Variants in OTOGL observed in about 807,000 individuals in gnomAD.
OTOGL encodes the protein otogelin like, also known as otogelin-like protein.
In OTOGL, 285 loss-of-function variants were observed where a neutral mutation model predicts 318.5. That is an observed-to-expected ratio of 0.89 (90% CI 0.81 to 0.99). OTOGL has a LOEUF of 0.99. Among genes scored for constraint, OTOGL ranks in the 50% least tolerant of loss-of-function variants. OTOGL has a pLI of 0.00. For synonymous variants in OTOGL, 987 were observed against 936.5 expected, an observed-to-expected ratio of 1.05 and a Z score of -0.99; for missense variants, 2,899 against 2,845.6, an observed-to-expected ratio of 1.02 and a Z score of -0.43.
chr12:80,234,792 T>C (rs1379664842), intron 9 of OTOGL, among the ~76,000 whole-genome samples: 1 of 152,202 alleles, frequency 6.6e-6, no homozygotes, highest in Non-Finnish European at 1.5e-5. Flanking sequence ...ATTAGTTTAC[T>C]AGTAGCTAGA....
Position 80,345,236 on chromosome 12 carries a change from TA to T in OTOGL, c.5265+3075del, listed in dbSNP as rs1369033522. ...ATAAAATATATATATATTATATATA[TA>T]TATTTTTTTGAAGAGTCTTGCTCTG... On this transcript the variant is annotated intron_variant, in intron 44 of 58. Transcript: ENST00000547103. Among the ~76,000 whole-genome samples the T allele has an allele frequency of 2.0e-4, 28 of 139,046 alleles. No individual in the cohort carries two copies. The East Asian group carries it at 5.2e-3, about 26-fold the overall frequency. 91.2% of individuals were successfully genotyped at this position (139,046 alleles called of 152,430 possible).
chr12:80,230,537 C>T (rs1879269805), intron 8 of OTOGL, among the ~76,000 whole-genome samples: 1 of 152,090 alleles, frequency 6.6e-6, no homozygotes, highest in South Asian at 2.1e-4. Context: ...ACTTGCCATT[C>T]AGATTGATTT....
chr12:80,100,373 T>A (rs1298501624), intron 1 of OTOGL, among the ~76,000 whole-genome samples: 1 of 152,216 alleles, frequency 6.6e-6, no homozygotes. Flanking sequence ...AAGTGATGGA[T>A]ACCCCAACTA....
chr12:80,326,076 G>A (rs1887661148), intron 35 of OTOGL, among the ~76,000 whole-genome samples: 1 of 152,034 alleles, frequency 6.6e-6, no homozygotes, highest in African/African-American at 2.4e-5. Context: ...CTTTCGTTGT[G>A]CCAAAGTGGC....
intron 32 of OTOGL, among the ~76,000 whole-genome samples, chr12:80,317,363 C>A (rs1887036310): frequency 6.6e-6 from 1 of 152,050 alleles, no homozygotes; most frequent in South Asian, 2.1e-4. Context: ...ATCAAGCTAC[C>A]AATTAACTGA....
intron 1 of OTOGL, among the ~76,000 whole-genome samples, chr12:80,150,464 G>A (rs2137167674): frequency 6.6e-6 from 1 of 152,330 alleles, no homozygotes; most frequent in South Asian, 2.1e-4. Flanking sequence ...GGAATGTTAA[G>A]GACTCATCCA....
At chr12:80,136,016 T>C (rs1402842686) in intron 1 of OTOGL, among the ~76,000 whole-genome samples, 1 of 152,248 alleles carries the variant, frequency 6.6e-6, no homozygotes, top group African/African-American at 2.4e-5. Flanking sequence ...CATAATCATG[T>C]GAACCGATTC....
chr12:80,112,068 G>A (rs1869874674), intron 1 of OTOGL, among the ~76,000 whole-genome samples: 1 of 152,148 alleles, frequency 6.6e-6, no homozygotes, highest in Non-Finnish European at 1.5e-5. Flanking sequence ...TGGTGTATAG[G>A]AATGCTTGTG....
chr12:80,371,919 T>G, intron 56 of OTOGL, 100 bp from the exon 57 acceptor site: 1 of 646,990 alleles, frequency 1.5e-6, no homozygotes, highest in Non-Finnish European at 2.4e-6. Context: ...CTTTGTGGTA[T>G]TTGATAAAAG....
intron 7 of OTOGL, among the ~76,000 whole-genome samples, chr12:80,227,958 T>G (rs1879020887): frequency 6.6e-6 from 1 of 152,092 alleles, no homozygotes; most frequent in Non-Finnish European, 1.5e-5. Context: ...TAGCTTCACA[T>G]AGCTATATTT....
Position 80,279,167 on chromosome 12 carries a change from G to A in OTOGL, c.2928+1G>A. ...TGATTGCCAGGTGTTTTTGATAAAG[G>A]TAGGTCACAGTTACACATTTTTATT... On this transcript the variant is annotated splice_donor_variant, in intron 26 of 58. Transcript: ENST00000547103. LOFTEE classifies it high-confidence loss of function. The A allele has an allele frequency of 6.3e-7, 1 of 1,585,266 alleles. No individual in the cohort carries two copies.
At chr12:80,345,300 A>G (rs1889125281) in intron 44 of OTOGL, among the ~76,000 whole-genome samples, 1 of 149,616 alleles carries the variant, frequency 6.7e-6, no homozygotes, top group African/African-American at 2.5e-5. Flanking sequence ...CAGTGGCATG[A>G]TCTCGGCTCA....
chr12:80,176,576 C>G (rs1179904150), intron 1 of OTOGL, among the ~76,000 whole-genome samples: 1 of 151,838 alleles, frequency 6.6e-6, no homozygotes, highest in Admixed American at 6.6e-5. Flanking sequence ...TTGCATGTAC[C>G]AATTATTTTT....
chr12:80,151,086 G>T (rs1349359209), intron 1 of OTOGL, among the ~76,000 whole-genome samples: 3 of 152,098 alleles, frequency 2.0e-5, no homozygotes, highest in Non-Finnish European at 4.4e-5. Context: ...GCTTATGGAT[G>T]GATTTCCCCA....
chr12:80,301,629 C>T (rs1885766264), intron 27 of OTOGL, among the ~76,000 whole-genome samples: 2 of 152,176 alleles, frequency 1.3e-5, no homozygotes, highest in Admixed American at 6.6e-5. Flanking sequence ...CATTCCCAAA[C>T]CCTATACCTT....
intron 45 of OTOGL, 111 bp downstream of exon 45, chr12:80,352,547 T>A (rs1889618831): frequency 1.1e-5 from 10 of 928,348 alleles, no homozygotes; most frequent in African/African-American, 1.7e-5. Context: ...AAGCATAAAA[T>A]GCACAGAAGA....
chr12:80,371,342 AT>A (rs896740322), intron 56 of OTOGL, among the ~76,000 whole-genome samples: 5 of 151,812 alleles, frequency 3.3e-5, no homozygotes, highest in African/African-American at 4.8e-5. Flanking sequence ...AGTCTCATTG[AT>A]TTTTTTTCAG....
chr12:80,309,760 AT>A (rs1565974289), intron 29 of OTOGL, among the ~76,000 whole-genome samples: 1 of 152,160 alleles, frequency 6.6e-6, no homozygotes, highest in African/African-American at 2.4e-5. Flanking sequence ...GGGAAGGACA[AT>A]GGTGTAGAGG....
chr12:80,122,718 T>C (rs553406961), intron 1 of OTOGL, among the ~76,000 whole-genome samples: 2 of 152,192 alleles, frequency 1.3e-5, no homozygotes, highest in East Asian at 3.9e-4. Context: ...GACACTGGGT[T>C]TCTGCTTCTT....
Sources: allele counts gnomAD v4.1 joint callset (sites outside exome capture counted in the v4.1 genomes callset), GRCh38; gene constraint gnomAD v4.1.1; transcripts MANE v1.5; gene names NCBI Gene and HGNC (gene_info 2026-07-23, HGNC 2026-07-21).